SMAD6: variants seen among roughly 807,000 people sequenced by gnomAD.
The protein encoded by SMAD6 is SMAD family member 6.
Under a neutral mutation model 39.4 loss-of-function variants are expected in SMAD6, and 103 were observed. That is an observed-to-expected ratio of 2.62 (90% CI 2.23 to 3.08). SMAD6 has a LOEUF of 3.08. Among genes scored for constraint, SMAD6 ranks in the 30% most tolerant of loss-of-function variants. The pLI is 0.00. For synonymous variants in SMAD6, 445 were observed against 353.3 expected, an observed-to-expected ratio of 1.26 and a Z score of -2.91; for missense variants, 1,104 against 742.9, an observed-to-expected ratio of 1.49 and a Z score of -5.65.
At chr15:66,728,699 C>T (rs1450975221) in intron 3 of SMAD6, among the ~76,000 whole-genome samples, 1 of 152,226 alleles carries the variant, frequency 6.6e-6, no homozygotes. Context: ...GCCACTACAC[C>T]TGGCCTCATC....
chr15:66,761,577 C>T (rs931969859), intron 3 of SMAD6, among the ~76,000 whole-genome samples: 15 of 152,194 alleles, frequency 9.9e-5, no homozygotes, highest in African/African-American at 3.4e-4. Flanking sequence ...TATTTGTCTC[C>T]GTTCCTTGGG....
At chr15:66,764,256 C>G (rs1894253360) in intron 3 of SMAD6, among the ~76,000 whole-genome samples, 1 of 152,058 alleles carries the variant, frequency 6.6e-6, no homozygotes, top group Admixed American at 6.5e-5. Context: ...ATAAACAGTT[C>G]TCCTGAACCT....
rs1047590293 is a variant in SMAD6 at position 66,781,854 on chromosome 15, T to TTA, written c.*332_*333dup. ...CTTCCTCCTTCCTCTTCCTTACTTT[T>TTA]TATATATATATATAAAGAAAATGAT... On this transcript the variant is annotated 3_prime_UTR_variant, in exon 4 of 4. Coordinates refer to ENST00000288840, the MANE Select transcript of SMAD6 (RefSeq NM_005585.5). The TTA allele has an allele frequency of 1.8e-3, 713 of 397,938 alleles. 1 individual carries two copies. Among genetic ancestry groups the TTA allele is most frequent in the African/African-American group, 9.2e-3 (447 of 48,536 alleles). 24.7% of individuals were successfully genotyped at this position (397,938 alleles called of 1,614,324 possible).
chr15:66,709,420 G>A (rs1220847284), intron 1 of SMAD6, among the ~76,000 whole-genome samples: 3 of 152,188 alleles, frequency 2.0e-5, no homozygotes, highest in Non-Finnish European at 4.4e-5. Context: ...AGCTCTTCCA[G>A]GTGGGACTTC....
chr15:66,703,322 CGGGA>C lies in SMAD6; in HGVS notation c.67_70del (p.Glu23LysfsTer40). ...TTGGCGAAGTCGTGTGGTCCCCGACCGGGAGGAAGGCGGCAGCGGCGGCGGCGGT... is the reference window on the plus strand; with the variant it reads ...TTGGCGAAGTCGTGTGGTCCCCGACCGGAAGGCGGCAGCGGCGGCGGCGGT... On this transcript the variant is annotated frameshift_variant, in exon 1 of 4. Transcript: ENST00000288840. LOFTEE classifies it high-confidence loss of function. 1.3e-6 allele frequency: 2 copies of C among 1,485,604 alleles called. No homozygotes were observed. Among genetic ancestry groups the C allele is most frequent in the Non-Finnish European group, 1.8e-6 (2 of 1,116,528 alleles). The allele number at this position is 1,485,604 out of a possible 1,614,324, so 92.0% of individuals were successfully genotyped here.
At chr15:66,743,040 T>G (rs1221308890) in intron 3 of SMAD6, among the ~76,000 whole-genome samples, 1 of 152,100 alleles carries the variant, frequency 6.6e-6, no homozygotes, top group Non-Finnish European at 1.5e-5. Flanking sequence ...TCCCCCTCTG[T>G]CAAATAACAG....
intron 1 of SMAD6, among the ~76,000 whole-genome samples, chr15:66,710,871 A>G (rs546714966): frequency 6.6e-6 from 1 of 152,332 alleles, no homozygotes; most frequent in Admixed American, 6.5e-5. Context: ...TGTCCTTTAC[A>G]AAAGGGGAGA....
intron 3 of SMAD6, among the ~76,000 whole-genome samples, chr15:66,744,251 A>G (rs538687181): frequency 6.8e-4 from 103 of 152,340 alleles, no homozygotes; most frequent in Non-Finnish European, 1.1e-3. Flanking sequence ...TTCCTGCCAG[A>G]GGAAGGGAGG....
At chr15:66,774,244 G>C (rs1004936758) in intron 3 of SMAD6, among the ~76,000 whole-genome samples, 2 of 152,194 alleles carry the variant, frequency 1.3e-5, no homozygotes, top group African/African-American at 4.8e-5. Flanking sequence ...ACACAGGAAC[G>C]TTCCTGCCCT....
At chr15:66,708,603 G>A in intron 1 of SMAD6, 2 of 414,820 alleles carry the variant, frequency 4.8e-6, no homozygotes, top group South Asian at 3.5e-5. Flanking sequence ...AAAGAACGAA[G>A]TCCAGCACCA....
intron 3 of SMAD6, chr15:66,716,873 G>T (rs765617976): frequency 7.2e-6 from 5 of 694,876 alleles, no homozygotes; most frequent in South Asian, 1.7e-5. Context: ...TCTTCCTCCT[G>T]TCCTCACTCC....
intron 3 of SMAD6, among the ~76,000 whole-genome samples, chr15:66,775,442 A>T (rs1894450593): frequency 6.6e-6 from 1 of 152,184 alleles, no homozygotes. Flanking sequence ...AGTCCTAGCA[A>T]CATTAACTAA....
At chr15:66,729,289 G>A (rs1001795054) in intron 3 of SMAD6, among the ~76,000 whole-genome samples, 3 of 152,164 alleles carry the variant, frequency 2.0e-5, no homozygotes, top group Non-Finnish European at 4.4e-5. Flanking sequence ...GCTCCATAAT[G>A]TCCTTTCCTA....
At chr15:66,768,539 G>GATTTT (rs1894328669) in intron 3 of SMAD6, among the ~76,000 whole-genome samples, 1 of 152,160 alleles carries the variant, frequency 6.6e-6, no homozygotes, top group Non-Finnish European at 1.5e-5. Context: ...GACTTTAGGT[G>GATTTT]ATTTTATTTT....
At chr15:66,718,070 T>C (rs1313201375) in intron 3 of SMAD6, among the ~76,000 whole-genome samples, 1 of 152,006 alleles carries the variant, frequency 6.6e-6, no homozygotes, top group Non-Finnish European at 1.5e-5. Context: ...TGGGTAATTT[T>C]TTGGCATCCT....
chr15:66,710,806 C>T (rs1330617348), intron 1 of SMAD6, among the ~76,000 whole-genome samples: 1 of 152,008 alleles, frequency 6.6e-6, no homozygotes, highest in Non-Finnish European at 1.5e-5. Flanking sequence ...AGAAAAATAT[C>T]ATAGACAATA....
intron 1 of SMAD6, 37 bp downstream of exon 1, chr15:66,704,112 C>T (rs775041693): frequency 1.4e-5 from 19 of 1,375,060 alleles, no homozygotes; most frequent in Non-Finnish European, 1.4e-5. Flanking sequence ...GCCCCGGGTC[C>T]CCGTCCCCAT....
intron 3 of SMAD6, among the ~76,000 whole-genome samples, chr15:66,726,303 G>A (rs1893520312): frequency 1.3e-5 from 2 of 152,170 alleles, no homozygotes; most frequent in South Asian, 4.1e-4. Context: ...GATTCACAGA[G>A]GGGTCCACTG....
rs1894582452 is a variant in SMAD6, at chr15:66,781,695, T to C, written c.*160T>C. The C allele has an allele frequency of 7.0e-6, 3 of 429,438 alleles. No homozygotes were observed. Among genetic ancestry groups the C allele is most frequent in the Admixed American group, 4.0e-5 (1 of 24,800 alleles). 26.6% of individuals were successfully genotyped at this position (429,438 alleles called of 1,614,324 possible). On this transcript the variant is annotated 3_prime_UTR_variant, in exon 4 of 4. Coordinates refer to ENST00000288840, the MANE Select transcript of SMAD6 (RefSeq NM_005585.5). ...AAGTTTTATATATTATATGGAAATA[T>C]ATATTATACTTGTAATTATGGAGTC...
Sources: gnomAD v4.1 joint callset for allele counts (sites outside exome capture counted in the v4.1 genomes callset) on GRCh38, gnomAD v4.1.1 for gene constraint, MANE v1.5 for transcripts, NCBI Gene and HGNC (gene_info 2026-07-23, HGNC 2026-07-21) for gene names.